The following ZNF106 variants were observed in gnomAD, a reference collection of about 807,000 sequenced individuals.
ZNF106 encodes the protein zinc finger protein 106.
A neutral mutation model predicts 195.1 loss-of-function variants in ZNF106; 67 were observed. The observed-to-expected ratio is 0.34, with a 90% CI of 0.28 to 0.42. The LOEUF (loss-of-function observed/expected upper bound fraction) is 0.42, where lower values mean the gene tolerates loss of function less well. ZNF106 is among the 10% of genes least tolerant of loss of function. The pLI is 1.00. For missense variants in ZNF106, 2,118 were observed against 2,304.5 expected, an observed-to-expected ratio of 0.92 and a Z score of 1.66; for synonymous variants, 784 against 818.6, an observed-to-expected ratio of 0.96 and a Z score of 0.72.
intron 3 of ZNF106, among the ~76,000 whole-genome samples, chr15:42,465,850 C>G (rs919082376): frequency 6.6e-6 from 1 of 152,220 alleles, no homozygotes; most frequent in Non-Finnish European, 1.5e-5. Flanking sequence ...TGAATTCACA[C>G]ATTTGAGATG....
intron 1 of ZNF106, among the ~76,000 whole-genome samples, chr15:42,482,509 G>A (rs1010932509): frequency 7.0e-6 from 1 of 143,804 alleles, no homozygotes; most frequent in Non-Finnish European, 1.5e-5. Flanking sequence ...TTAGGCAGTA[G>A]ATGAAATCTC....
intron 13 of ZNF106, 84 bp downstream of exon 13, chr15:42,437,148 A>G: frequency 6.9e-7 from 1 of 1,452,984 alleles, no homozygotes; most frequent in Non-Finnish European, 9.3e-7. Flanking sequence ...ACAGCCAACA[A>G]ATTCCCTTTA....
rs757458386 is a variant in ZNF106, at chr15:42,448,493, G to A, written c.2714C>T (p.Thr905Ile). 25 of 1,613,934 alleles carry A rather than the reference G, an allele frequency of 1.5e-5. No individual in the cohort carries two copies. Among genetic ancestry groups the A allele is most frequent in the Non-Finnish European group, 1.7e-6 (2 of 1,180,012 alleles). The change falls in exon 6 of 22, where the codon ACA becomes ATA. Residue 905 changes from threonine to isoleucine, a missense_variant. Coordinates refer to ENST00000564754, the MANE Select transcript of ZNF106 (RefSeq NM_001366845.3). ...CTGCTGGGGCTCATTTTCTTTGCCT[G>A]TACCTTCCTCACTGAAGAAGCTATA... The part of the protein sequence containing the change: ...SVYSFFSEEG[T>I]GKENEPQQMV...
rs190914967 is a variant in ZNF106 at position 42,475,841 on chromosome 15, A to G, written c.-32-3520T>C. Among the ~76,000 whole-genome samples the G allele has an allele frequency of 9.0e-4, 137 of 152,322 alleles. 1 individual carries two copies. The highest frequency in any genetic ancestry group is 3.1e-3 in the African/African-American group (129 of 41,578). On this transcript the variant is annotated intron_variant, in intron 1 of 21. Coordinates refer to ENST00000564754, the MANE Select transcript of ZNF106 (RefSeq NM_001366845.3). ...TTAACCACCAAAGCAAAACAGGAAC[A>G]AGAAACTTAGAAGCAATAAAGTCAG...
intron 12 of ZNF106, among the ~76,000 whole-genome samples, chr15:42,438,347 C>T (rs1043858785): frequency 7.2e-5 from 11 of 152,134 alleles, no homozygotes; most frequent in African/African-American, 1.9e-4. Context: ...GTAGAGATAG[C>T]GCCACTGCAC....
chr15:42,438,889 C>T (rs944997656), intron 11 of ZNF106, 144 bp downstream of exon 11: 79 of 1,011,228 alleles, frequency 7.8e-5, no homozygotes, highest in Admixed American at 2.8e-5. Context: ...TACTGCTGAG[C>T]TTTAATTTTT....
rs544395885 is a variant in ZNF106, at chr15:42,436,199, C to T, written c.4747-681G>A. On this transcript the variant is annotated intron_variant, in intron 13 of 21. Coordinates refer to ENST00000564754, the MANE Select transcript of ZNF106 (RefSeq NM_001366845.3). Reference sequence around the variant, plus strand: ...CAATCTCCTGACCTCATGATCCACCCACCTTGGCCTCCCAAACTGCTGGGA... The same window carrying T: ...CAATCTCCTGACCTCATGATCCACCTACCTTGGCCTCCCAAACTGCTGGGA... Among the ~76,000 whole-genome samples, 617 of 152,220 alleles carry T rather than the reference C, an allele frequency of 4.1e-3. 4 individuals carry two copies. Among genetic ancestry groups the T allele is most frequent in the African/African-American group, 0.014 (589 of 41,538 alleles).
At chr15:42,438,073 AGATAAGGGAGCCG>A (rs2055353517) in intron 12 of ZNF106, among the ~76,000 whole-genome samples, 1 of 151,850 alleles carries the variant, frequency 6.6e-6, no homozygotes, top group South Asian at 2.1e-4. Flanking sequence ...TTAGTTGAAC[AGATAAGGGAGCCG>A]GATAAGACAG....
rs748195177 is a variant in ZNF106, at chr15:42,450,998, G to A, written c.1274C>T (p.Thr425Ile). ...PQTDETRNSP[T>I]QKTQKEIHTG... ...ATGTATTTCTTTTTGTGTTTTCTGT[G>A]TTGGGGAATTACGTGTTTCATCAGT... Residue 425 changes from threonine (T) to isoleucine (I), a missense_variant, in exon 5 of 22, where the codon ACA (threonine) becomes ATA (isoleucine). Physicochemically the swap from Thr to Ile is moderately conservative, Grantham distance 89. Transcript: ENST00000564754. 2.4e-5 allele frequency: 38 copies of A among 1,614,072 alleles called. No homozygotes were observed. Among genetic ancestry groups the A allele is most frequent in the Non-Finnish European group, 3.1e-5 (37 of 1,180,050 alleles).
intron 1 of ZNF106, among the ~76,000 whole-genome samples, chr15:42,487,064 C>T (rs554675508): frequency 2.6e-5 from 4 of 152,088 alleles, no homozygotes; most frequent in East Asian, 1.9e-4. Context: ...GCAGAAGAAT[C>T]GCTTGAACCT....
Position 42,442,068 on chromosome 15 carries a change from C to T in ZNF106, c.3763+5G>A, listed in dbSNP as rs143521377. 2 of 1,600,294 alleles carry T rather than the reference C, an allele frequency of 1.2e-6. No homozygotes were observed. The highest frequency in any genetic ancestry group is 1.3e-5 in the African/African-American group (1 of 74,372). ...TGCCCTTAACCCAGAGAAAAGCTTA[C>T]ATACTATTAGCTTCCAGTAATTCCT... is the stretch of plus-strand genomic sequence containing the variant. On this transcript the variant is annotated splice_donor_5th_base_variant and intron_variant, in intron 10 of 21. Transcript: ENST00000564754.
At chr15:42,443,738 A>C (rs1197253541) in intron 9 of ZNF106, among the ~76,000 whole-genome samples, 1 of 150,436 alleles carries the variant, frequency 6.6e-6, no homozygotes, top group East Asian at 2.0e-4. Context: ...TCAAAAAAAC[A>C]AAAAAAAAGG....
intron 4 of ZNF106, 47 bp downstream of exon 4, chr15:42,456,911 C>A: frequency 6.6e-7 from 1 of 1,516,758 alleles, no homozygotes; most frequent in Non-Finnish European, 9.1e-7. Context: ...ATATTCTCTG[C>A]TGTGTTCTGT....
At chr15:42,489,642 A>G (rs189861007) in intron 1 of ZNF106, among the ~76,000 whole-genome samples, 1 of 152,332 alleles carries the variant, frequency 6.6e-6, no homozygotes, top group East Asian at 1.9e-4. Flanking sequence ...ATTGTCTTTC[A>G]TTATTTCATT....
intron 12 of ZNF106, 109 bp downstream of exon 12, chr15:42,438,503 C>A (rs2055371632): frequency 3.2e-6 from 3 of 948,446 alleles, no homozygotes; most frequent in Non-Finnish European, 3.2e-6. Flanking sequence ...TAAACCCCTC[C>A]CCATTCTCCT....
At chr15:42,479,845 A>C (rs2056863805) in intron 1 of ZNF106, among the ~76,000 whole-genome samples, 1 of 152,086 alleles carries the variant, frequency 6.6e-6, no homozygotes, top group Admixed American at 6.6e-5. Flanking sequence ...CCGTCTCAAT[A>C]AATAAATAAA....
chr15:42,450,802 T>G lies in ZNF106; in HGVS notation c.1470A>C (p.Gln490His), dbSNP rs894854660. Residue 490 changes from glutamine to histidine, a missense_variant, in exon 5 of 22, where the codon CAA (glutamine) becomes CAC (histidine). Transcript: ENST00000564754. ...TGTTTTTTGAGATATTCTTTGGATC[T>G]TGCTTTTGAGACAATGATTTAGTGG... ...CPATKSLSQK[Q>H]DPKNISKNTK... is the part of the protein sequence containing the mutation. 1 of 1,614,230 alleles carries G rather than the reference T, an allele frequency of 6.2e-7. No individual in the cohort carries two copies. The highest frequency in any genetic ancestry group is 8.5e-7 in the Non-Finnish European group (1 of 1,180,038).
At position 42,415,107 on chromosome 15, in the gene ZNF106, T is replaced by C; in HGVS notation, c.*2197A>G. 5.0e-6 allele frequency: 1 copy of C among 198,284 alleles called. No homozygotes were observed. The highest frequency in any genetic ancestry group is 1.0e-5 in the Non-Finnish European group (1 of 96,480). The allele number at this position is 198,284 out of a possible 1,614,324, so 12.3% of individuals were successfully genotyped here. On this transcript the variant is annotated 3_prime_UTR_variant, in exon 22 of 22. Coordinates refer to ENST00000564754, the MANE Select transcript of ZNF106 (RefSeq NM_001366845.3). The stretch of plus-strand genomic sequence containing the variant: ...TTATCTAGTACTAGGCCATTCATTA[T>C]CTCCTAGATTAACTCTTTTTTTTTT...
intron 4 of ZNF106, among the ~76,000 whole-genome samples, chr15:42,456,065 T>C (rs1595475831): frequency 6.6e-6 from 1 of 152,164 alleles, no homozygotes; most frequent in East Asian, 1.9e-4. Context: ...ATCTTGACAC[T>C]TATCAAAAAA....
Sources: gnomAD v4.1 joint callset for allele counts (sites outside exome capture counted in the v4.1 genomes callset) on GRCh38, gnomAD v4.1.1 for gene constraint, MANE v1.5 for transcripts, NCBI Gene and HGNC (gene_info 2026-07-23, HGNC 2026-07-21) for gene names.